Variants in CSMD3 observed in about 807,000 individuals in gnomAD.
The protein encoded by CSMD3 is CUB and sushi domain-containing protein 3.
CSMD3 carries 177 observed loss-of-function variants against 435.2 expected under a neutral mutation model. The observed-to-expected ratio is 0.41, with a 90% CI of 0.36 to 0.46. The LOEUF is 0.46. Among genes scored for constraint, CSMD3 ranks in the 20% least tolerant of loss-of-function variants. The pLI is 0.34. For synonymous variants in CSMD3, 1,656 were observed against 1,520.5 expected (o/e 1.09, Z -2.07); for missense variants, 4,265 against 4,504.6 (o/e 0.95, Z 1.52).
chr8:112,744,326 C>A (rs575633263), intron 13 of CSMD3, among the ~76,000 whole-genome samples: 2 of 152,122 alleles, frequency 1.3e-5, no homozygotes, highest in East Asian at 3.9e-4. Context: ...ATTCCCATGC[C>A]ATTTCTGGAT....
chr8:113,050,116 T>C (rs2088024047), intron 5 of CSMD3, among the ~76,000 whole-genome samples: 1 of 152,104 alleles, frequency 6.6e-6, no homozygotes, highest in South Asian at 2.1e-4. Flanking sequence ...AAAATAGATA[T>C]TTAAACATAT....
At chr8:112,838,090 T>C (rs969595385) in intron 11 of CSMD3, among the ~76,000 whole-genome samples, 7 of 151,632 alleles carry the variant, frequency 4.6e-5, no homozygotes, top group Non-Finnish European at 1.0e-4. Context: ...TTAGCAGAGA[T>C]GACAGCCACT....
chr8:112,412,116 C>T (rs1022687311), intron 32 of CSMD3, among the ~76,000 whole-genome samples: 1 of 151,948 alleles, frequency 6.6e-6, no homozygotes. Context: ...TTTGAATTCT[C>T]CTTTGAACCA....
chr8:113,152,623 T>C (rs538305793), intron 4 of CSMD3, among the ~76,000 whole-genome samples: 106 of 152,108 alleles, frequency 7.0e-4, no homozygotes, highest in Non-Finnish European at 1.2e-3. Context: ...CTCATTCTAG[T>C]TTATAGCATG....
intron 4 of CSMD3, among the ~76,000 whole-genome samples, chr8:113,105,156 C>G (rs1164115286): frequency 6.6e-6 from 1 of 151,802 alleles, no homozygotes; most frequent in Non-Finnish European, 1.5e-5. Context: ...CAAGAGGGAA[C>G]AAATTTACAT....
chr8:112,258,308 C>T (rs1816007317), intron 61 of CSMD3, among the ~76,000 whole-genome samples: 1 of 152,118 alleles, frequency 6.6e-6, no homozygotes, highest in African/African-American at 2.4e-5. Flanking sequence ...AAAGCTTCTG[C>T]ACAGTAAAAT....
At chr8:112,685,334 A>G (rs934512991) in intron 15 of CSMD3, 72 bp downstream of exon 15, 2 of 1,252,954 alleles carry the variant, frequency 1.6e-6, no homozygotes, top group South Asian at 2.6e-5. Context: ...GGGAACCAAT[A>G]TACATGATCA....
intron 5 of CSMD3, among the ~76,000 whole-genome samples, chr8:113,087,666 T>G (rs1564299250): frequency 6.6e-6 from 1 of 151,912 alleles, no homozygotes. Context: ...TGTAGAAAGC[T>G]GAAACTGGAT....
At chr8:113,276,524 G>A (rs781279304) in intron 3 of CSMD3, among the ~76,000 whole-genome samples, 1 of 152,026 alleles carries the variant, frequency 6.6e-6, no homozygotes, top group Admixed American at 6.6e-5. Context: ...AGGTATCATG[G>A]TCCTACAAAC....
intron 31 of CSMD3, among the ~76,000 whole-genome samples, chr8:112,477,593 G>A (rs1009307164): frequency 6.6e-6 from 1 of 151,800 alleles, no homozygotes; most frequent in Admixed American, 6.6e-5. Context: ...GTCATTTAAA[G>A]GTATATGGCA....
rs888601722 is a variant in CSMD3 at position 112,471,811 on chromosome 8, T to A, written c.5395+780A>T. Among the ~76,000 whole-genome samples the A allele has an allele frequency of 5.3e-5, 8 of 152,308 alleles. No homozygotes were observed. In the East Asian group the frequency reaches 1.4e-3, roughly 26 times the overall value. ...CATAGTTATAACAAATCCTTTACTATGTAACACAATGCTGTAAATCTAAAT... is the reference window on the plus strand; with the variant it reads ...CATAGTTATAACAAATCCTTTACTAAGTAACACAATGCTGTAAATCTAAAT... On this transcript the variant is annotated intron_variant, in intron 32 of 70. Transcript: ENST00000297405.
chr8:112,783,535 G>T (rs889468501), intron 13 of CSMD3, among the ~76,000 whole-genome samples: 1 of 150,536 alleles, frequency 6.6e-6, no homozygotes, highest in African/African-American at 2.4e-5. Context: ...AAGGACGGAG[G>T]GAAGATTATA....
At chr8:112,412,053 A>T (rs1008727521) in intron 32 of CSMD3, among the ~76,000 whole-genome samples, 8 of 152,072 alleles carry the variant, frequency 5.3e-5, no homozygotes, top group African/African-American at 1.9e-4. Flanking sequence ...CTGATTATCT[A>T]TCTTATCTAC....
At chr8:112,587,299 T>C in intron 22 of CSMD3, 64 bp from the exon 23 acceptor site, 1 of 1,182,838 alleles carries the variant, frequency 8.5e-7, no homozygotes, top group South Asian at 1.2e-5. Flanking sequence ...TCAAGCAATA[T>C]CATGTATGGA....
At chr8:113,145,754 T>C (rs567773334) in intron 4 of CSMD3, among the ~76,000 whole-genome samples, 1 of 151,730 alleles carries the variant, frequency 6.6e-6, no homozygotes, top group South Asian at 2.1e-4. Flanking sequence ...GATTGGTACA[T>C]GACACAGAGG....
chr8:112,545,399 C>A (rs1827064497), intron 27 of CSMD3, among the ~76,000 whole-genome samples: 1 of 145,132 alleles, frequency 6.9e-6, no homozygotes, highest in African/African-American at 2.6e-5. Context: ...AGGAGAATTG[C>A]TTGAGCCCGG....
chr8:112,449,072 G>A (rs1815968723), intron 32 of CSMD3, among the ~76,000 whole-genome samples: 1 of 148,476 alleles, frequency 6.7e-6, no homozygotes, highest in Admixed American at 6.7e-5. Flanking sequence ...TTGTTTGTTT[G>A]CATTACAAAC....
chr8:112,516,142 A>G (rs1823646952), intron 28 of CSMD3, among the ~76,000 whole-genome samples: 1 of 152,110 alleles, frequency 6.6e-6, no homozygotes, highest in Admixed American at 6.6e-5. Context: ...AAGTGAACAA[A>G]AATAAGATTC....
chr8:112,663,134 G>A (rs564895589), intron 17 of CSMD3, among the ~76,000 whole-genome samples: 4 of 152,126 alleles, frequency 2.6e-5, no homozygotes, highest in East Asian at 1.9e-4. Flanking sequence ...TCCCATTACT[G>A]GGTATATACC....
Sources: allele counts gnomAD v4.1 joint callset (sites outside exome capture counted in the v4.1 genomes callset), GRCh38; gene constraint gnomAD v4.1.1; transcripts MANE v1.5; gene names NCBI Gene and HGNC (gene_info 2026-07-23, HGNC 2026-07-21).